The following MYO7B variants were observed in gnomAD, a reference collection of about 807,000 sequenced individuals.
The protein encoded by MYO7B is myosin VIIB, also known as unconventional myosin-VIIb.
A neutral mutation model predicts 259.7 loss-of-function variants in MYO7B; 212 were observed. That is an observed-to-expected ratio of 0.82 (90% CI 0.73 to 0.91). MYO7B has a LOEUF of 0.91. Ranked by LOEUF, MYO7B falls within the 40% of genes least tolerant of loss-of-function variation. The pLI, the probability that MYO7B is intolerant of heterozygous loss-of-function variation, is 0.00. For missense variants in MYO7B, 2,732 were observed against 2,813.5 expected, an observed-to-expected ratio of 0.97 and a Z score of 0.66; for synonymous variants, 1,197 against 1,166.4, an observed-to-expected ratio of 1.03 and a Z score of -0.54.
At position 127,584,035 on chromosome 2, in the gene MYO7B, T is replaced by C. The variant is rs1180705278; in HGVS notation, c.1344-87T>C. The C allele has an allele frequency of 3.2e-5, 40 of 1,237,154 alleles. No individual in the cohort carries two copies. In the Admixed American group the frequency reaches 7.4e-4, roughly 23 times the overall value. 76.6% of individuals were successfully genotyped at this position (1,237,154 alleles called of 1,614,324 possible). On this transcript the variant is annotated intron_variant, in intron 12 of 47. Coordinates refer to ENST00000409816, the MANE Select transcript of MYO7B (RefSeq NM_001393586.1). This position sits in a 1 kb window ranked among gnomAD's most constrained non-coding sequence, Gnocchi z 5.8. The stretch of plus-strand genomic sequence containing the variant: ...ATATCTGTATGCAGCTGTTTGCAGA[T>C]GGCTGGTGATCCTATGGCTCCAGCC...
chr2:127,592,868 G>A lies in MYO7B; in HGVS notation c.2067G>A (p.Ser689=), dbSNP rs879071316. The A allele has an allele frequency of 6.8e-6, 11 of 1,610,054 alleles. No individual in the cohort carries two copies. The South Asian group carries it at 7.7e-5, about 11-fold the overall frequency. The change falls in exon 17 of 48, where the codon TCG becomes TCA. Residue 689 remains serine (S), a synonymous_variant. Transcript: ENST00000409816. The part of the protein sequence containing the change: ...GMMETVHIRK[S]GFPIRYTFEE... The stretch of plus-strand genomic sequence containing the variant: ...TGGAGACCGTGCACATCCGCAAGTC[G>A]GGCTTCCCCATCCGCTACACGTTCG...
chr2:127,569,593 C>T (rs971141988), intron 5 of MYO7B, among the ~76,000 whole-genome samples, 196 bp from the exon 6 acceptor site: 1 of 152,132 alleles, frequency 6.6e-6, no homozygotes, highest in Non-Finnish European at 1.5e-5. Flanking sequence ...AAGACAAACA[C>T]AATAACATGT....
chr2:127,598,151 A>G (rs1679840253), intron 19 of MYO7B, among the ~76,000 whole-genome samples: 1 of 152,180 alleles, frequency 6.6e-6, no homozygotes, highest in Admixed American at 6.5e-5. Context: ...TGAGTCATAC[A>G]ACGGTTACAA....
chr2:127,548,492 T>G (rs192583830), intron 1 of MYO7B, among the ~76,000 whole-genome samples: 1 of 150,884 alleles, frequency 6.6e-6, no homozygotes, highest in African/African-American at 2.4e-5. Context: ...CTCAACTCAC[T>G]GCCACCTCTG....
At chr2:127,570,910 T>G (rs1255491008) in intron 6 of MYO7B, among the ~76,000 whole-genome samples, 2 of 152,212 alleles carry the variant, frequency 1.3e-5, no homozygotes, top group Non-Finnish European at 2.9e-5. Flanking sequence ...TCCTTGTTGC[T>G]GCCTGCATCA....
chr2:127,622,799 G>A (rs895213758), intron 28 of MYO7B, among the ~76,000 whole-genome samples: 2 of 152,176 alleles, frequency 1.3e-5, no homozygotes, highest in Non-Finnish European at 1.5e-5. Context: ...GGAACAATAC[G>A]TAAAGGCCCC....
At chr2:127,543,253 G>A (rs1693079954) in intron 1 of MYO7B, among the ~76,000 whole-genome samples, 1 of 152,120 alleles carries the variant, frequency 6.6e-6, no homozygotes. Flanking sequence ...GACTTCCACA[G>A]TGTATTGTGT....
chr2:127,571,472 T>TGC (rs1182630236), intron 6 of MYO7B, among the ~76,000 whole-genome samples: 2 of 144,704 alleles, frequency 1.4e-5, no homozygotes, highest in African/African-American at 5.1e-5. Context: ...TTGTTTGTTT[T>TGC]TTGTTTGTTT....
At chr2:127,557,588 G>A (rs555253131) in intron 1 of MYO7B, among the ~76,000 whole-genome samples, 1 of 152,216 alleles carries the variant, frequency 6.6e-6, no homozygotes, top group South Asian at 2.1e-4. Flanking sequence ...TTTGTCCCAC[G>A]GGGTGTTCCC....
At chr2:127,624,015 C>T in intron 29 of MYO7B, 78 bp from the exon 30 acceptor site, 2 of 1,347,572 alleles carry the variant, frequency 1.5e-6, no homozygotes, top group Non-Finnish European at 2.0e-6. Context: ...CTTCTACGTG[C>T]ACACGCTGAC....
intron 16 of MYO7B, among the ~76,000 whole-genome samples, chr2:127,591,643 C>G (rs1156319133): frequency 6.6e-6 from 1 of 152,220 alleles, no homozygotes; most frequent in Non-Finnish European, 1.5e-5. Context: ...ACCCCACCAG[C>G]AGTTGGCGCT....
intron 26 of MYO7B, among the ~76,000 whole-genome samples, chr2:127,619,290 G>T (rs1413130555): frequency 8.1e-6 from 1 of 122,872 alleles, no homozygotes; most frequent in African/African-American, 3.2e-5. Context: ...GCTGGGTGGT[G>T]GGGGGTGGTT....
intron 37 of MYO7B, 47 bp from the exon 38 acceptor site, chr2:127,631,553 G>C: frequency 6.3e-7 from 1 of 1,598,920 alleles, no homozygotes; most frequent in Admixed American, 1.7e-5. Context: ...TCCCCAGTCT[G>C]TGTCAGCGTG....
At chr2:127,555,300 T>G (rs1308346178) in intron 1 of MYO7B, among the ~76,000 whole-genome samples, 1 of 152,208 alleles carries the variant, frequency 6.6e-6, no homozygotes, top group Non-Finnish European at 1.5e-5. Context: ...TTGTTAATGG[T>G]CTATCAATTT....
At chr2:127,552,751 A>G (rs771708136) in intron 1 of MYO7B, among the ~76,000 whole-genome samples, 1 of 152,142 alleles carries the variant, frequency 6.6e-6, no homozygotes, top group South Asian at 2.1e-4. Flanking sequence ...GGAAGCAACA[A>G]TGGGCAGCCA....
At chr2:127,583,649 G>A (rs1679190738) in intron 12 of MYO7B, among the ~76,000 whole-genome samples, 1 of 152,202 alleles carries the variant, frequency 6.6e-6, no homozygotes, top group Non-Finnish European at 1.5e-5. Flanking sequence ...AGGAGGAAGT[G>A]CAGGTTGGAG....
rs61748909 is a variant in MYO7B, at chr2:127,635,815, G to A, written c.5914G>A (p.Asp1972Asn). 28,766 of 1,589,330 alleles carry A rather than the reference G, an allele frequency of 0.018. 340 individuals carry two copies. The highest frequency in any genetic ancestry group is 0.02 in the Non-Finnish European group (23,448 of 1,168,254). The change falls in exon 44 of 48, where the codon GAC becomes AAC. Residue 1972 changes from aspartate (D) to asparagine (N), a missense_variant. Around this residue, in one of 3 missense-constraint regions of MYO7B, gnomAD observed 821 missense variants for 769.3 expected, o/e 1.07. Transcript: ENST00000409816. ...GLIYKAQFNN[D>N]RSQLASVPKI... ...CATCTACAAGGCCCAGTTCAACAAC[G>A]ACCGGTCCCAGCTGGCTAGTGTCCC...
chr2:127,560,030 CTTTT>C (rs59002626), intron 2 of MYO7B, among the ~76,000 whole-genome samples: 4 of 138,174 alleles, frequency 2.9e-5, no homozygotes, highest in Non-Finnish European at 4.6e-5. Flanking sequence ...CTTTTCTTTT[CTTTT>C]TTTTTTTTTT....
chr2:127,624,152 G>C lies in MYO7B; in HGVS notation c.3879G>C (p.Gln1293His). 2 of 1,595,610 alleles carry C rather than the reference G, an allele frequency of 1.3e-6. No individual in the cohort carries two copies. The highest frequency in any genetic ancestry group is 1.1e-5 in the South Asian group (1 of 87,806). The change falls in exon 30 of 48, where the codon CAG becomes CAC. Residue 1293 changes from glutamine to histidine, a missense_variant. Coordinates refer to ENST00000409816, the MANE Select transcript of MYO7B (RefSeq NM_001393586.1). ...HMMDAIARCE[Q>H]MAQERGESQR... ...TGGATGCCATCGCCCGGTGTGAGCA[G>C]ATGGCCCAGGAGAGGGGCGAGAGCC...
Sources: gnomAD v4.1 joint callset for allele counts (sites outside exome capture counted in the v4.1 genomes callset) on GRCh38, gnomAD v4.1.1 for gene constraint, gnomAD v4.1.1 regional missense constraint, Gnocchi (gnomAD v3.1) non-coding constraint, MANE v1.5 for transcripts, NCBI Gene and HGNC (gene_info 2026-07-23, HGNC 2026-07-21) for gene names.